WDR47: variants seen among roughly 807,000 people sequenced by gnomAD.
The protein encoded by WDR47 is WD repeat domain 47, also known as WD repeat-containing protein 47.
A neutral mutation model predicts 97.2 loss-of-function variants in WDR47; 32 were observed. That is an observed-to-expected ratio of 0.33 (90% CI 0.25 to 0.44). The LOEUF is 0.44. Among genes scored for constraint, WDR47 ranks in the 20% least tolerant of loss-of-function variants. The pLI is 1.00. For synonymous variants in WDR47, 375 were observed against 373.5 expected (o/e 1.00, Z -0.05); for missense variants, 782 against 1,102.3 (o/e 0.71, Z 4.11).
chr1:109,023,732 C>T (rs1320849083), intron 1 of WDR47, among the ~76,000 whole-genome samples: 3 of 151,914 alleles, frequency 2.0e-5, no homozygotes, highest in Non-Finnish European at 2.9e-5. Context: ...CTTTGAAATA[C>T]ATATTGGAAT....
chr1:108,977,577 C>T (rs994694750), intron 13 of WDR47, among the ~76,000 whole-genome samples: 2 of 152,136 alleles, frequency 1.3e-5, no homozygotes, highest in Non-Finnish European at 2.9e-5. Context: ...TAAGGCCAGG[C>T]GCGGTGGCTC....
In WDR47 at chr1:108,971,272, C is replaced by A. The variant is rs750280126; in HGVS notation, c.*158G>T. 1.7e-5 allele frequency: 17 copies of A among 992,160 alleles called. No individual in the cohort carries two copies. Among genetic ancestry groups the A allele is most frequent in the Non-Finnish European group, 2.3e-5 (16 of 689,352 alleles). 61.5% of individuals were successfully genotyped at this position (992,160 alleles called of 1,614,324 possible). The stretch of plus-strand genomic sequence containing the variant: ...AGACTGAAAGCACTGCGGAATAACA[C>A]CACCCAACACCTCCTATCAGTGGGA... On this transcript the variant is annotated 3_prime_UTR_variant, in exon 15 of 15. Transcript: ENST00000369962.
intron 9 of WDR47, 119 bp downstream of exon 9, chr1:108,991,135 C>G (rs1165704215): frequency 8.2e-6 from 7 of 857,954 alleles, no homozygotes; most frequent in Non-Finnish European, 1.3e-5. Flanking sequence ...GCCTCGGCCT[C>G]CTGGGTACTG....
chr1:109,029,708 TAA>T (rs1662479084), intron 1 of WDR47, among the ~76,000 whole-genome samples: 2 of 143,000 alleles, frequency 1.4e-5, no homozygotes, highest in African/African-American at 2.6e-5. Flanking sequence ...AATAAATAAA[TAA>T]ATATTTTTTT....
At chr1:109,023,862 A>G (rs1662021967) in intron 1 of WDR47, among the ~76,000 whole-genome samples, 1 of 152,206 alleles carries the variant, frequency 6.6e-6, no homozygotes, top group African/African-American at 2.4e-5. Context: ...TAATAGGTAA[A>G]TGAGGGTTTA....
rs561033708 is a variant in WDR47, at chr1:108,978,921, G to A, written c.2398+2812C>T. The stretch of plus-strand genomic sequence containing the variant: ...GACTGAGGGTAAGGAAATGGCTAAC[G>A]ATATATATAGGCAAGACTTTTGAGA... On this transcript the variant is annotated intron_variant, in intron 13 of 14. Transcript: ENST00000369962. 2.6e-5 allele frequency among the ~76,000 whole-genome samples: 4 copies of A among 152,248 alleles called. No homozygotes were observed. In the East Asian group the frequency reaches 5.8e-4, roughly 22 times the overall value.
intron 8 of WDR47, chr1:108,992,765 G>A (rs1324068243): frequency 8.1e-6 from 13 of 1,596,862 alleles, no homozygotes; most frequent in South Asian, 7.7e-5. Context: ...TAAACCAGAA[G>A]AGGAGGTTGC....
chr1:109,029,941 T>C, intron 1 of WDR47: 1 of 374,780 alleles, frequency 2.7e-6, no homozygotes, highest in Non-Finnish European at 4.7e-6. Context: ...CTCTGTGTAT[T>C]TCCATACAAA....
In WDR47 at chr1:108,974,600, G is replaced by C. The variant is rs550345176; in HGVS notation, c.2553C>G (p.Ser851=). The part of the protein sequence containing the change: ...HSSDVRSVRF[S]PGAHYLLTGS... ...CTGTTAGCAAGTAGTGAGCTCCAGG[G>C]GAGAATCGAACAGAGCGAACATCAC... The change falls in exon 14 of 15, where the codon TCC becomes TCG. Residue 851 remains serine, a synonymous_variant. Coordinates refer to ENST00000369962, the MANE Select transcript of WDR47 (RefSeq NM_001142551.2). 5.8e-5 allele frequency: 94 copies of C among 1,614,090 alleles called. 2 individuals are homozygous for C. The South Asian group carries it at 9.0e-4, about 15-fold the overall frequency.
At chr1:108,995,954 C>A in intron 7 of WDR47, 117 bp from the exon 8 acceptor site, 3 of 1,045,928 alleles carry the variant, frequency 2.9e-6, no homozygotes, top group Non-Finnish European at 4.1e-6. Context: ...TAATCTATGG[C>A]AAATTTAGTG....
At chr1:109,013,704 G>A in intron 4 of WDR47, 137 bp downstream of exon 4, 1 of 810,780 alleles carries the variant, frequency 1.2e-6, no homozygotes, top group Non-Finnish European at 1.9e-6. Flanking sequence ...ACTACACCTG[G>A]AAAACACCAG....
At chr1:108,983,247 G>A (rs772920565) in intron 11 of WDR47, 35 bp downstream of exon 11, 1 of 1,552,488 alleles carries the variant, frequency 6.4e-7, no homozygotes, top group Middle Eastern at 1.7e-4. Context: ...ATATACACTG[G>A]TAAGCTAGCT....
At position 108,982,792 on chromosome 1, in the gene WDR47, TAAGAATTAAAAAAAAAA is replaced by T. The variant is rs1658447851; in HGVS notation, c.2096-30_2096-14del. On this transcript the variant is annotated splice_polypyrimidine_tract_variant and intron_variant, in intron 11 of 14. Transcript: ENST00000369962. ...TCCAGATCTGGTCCTGAAACAGTAG[TAAGAATTAAAAAAAAAA>T]AATGCTGCTCAACTTACTGTGATAA... The T allele has an allele frequency of 6.3e-7, 1 of 1,584,188 alleles. No individual in the cohort carries two copies. The highest frequency in any genetic ancestry group is 8.5e-7 in the Non-Finnish European group (1 of 1,171,488).
chr1:108,998,074 A>T (rs1659898194), intron 7 of WDR47, among the ~76,000 whole-genome samples: 1 of 152,226 alleles, frequency 6.6e-6, no homozygotes, highest in Non-Finnish European at 1.5e-5. Context: ...ATTATAATTA[A>T]GTAGCATTTC....
In WDR47 at chr1:109,011,212, A is replaced by G; in HGVS notation, c.834T>C (p.Ala278=). ...HVDKLLKPTK[A]AYADLLTPLI... ...GAGGAGTCAAAAGATCAGCATATGC[A>G]GCTTTTGTAGGTTTCAGAAGTTTGT... The change falls in exon 5 of 15, where the codon GCT becomes GCC. Residue 278 remains alanine, a synonymous_variant. Coordinates refer to ENST00000369962, the MANE Select transcript of WDR47 (RefSeq NM_001142551.2). The G allele has an allele frequency of 6.2e-7, 1 of 1,614,180 alleles. No individual in the cohort carries two copies. The highest frequency in any genetic ancestry group is 8.5e-7 in the Non-Finnish European group (1 of 1,180,038).
chr1:109,030,208 C>A, intron 1 of WDR47: 1 of 1,545,784 alleles, frequency 6.5e-7, no homozygotes, highest in South Asian at 1.2e-5. Flanking sequence ...CGGTCTTTAG[C>A]CATGCACAAA....
intron 1 of WDR47, chr1:109,041,406 C>G (rs1280593898): frequency 6.6e-6 from 1 of 152,360 alleles, no homozygotes; most frequent in South Asian, 2.1e-4. Context: ...CCCTCTCTTC[C>G]TCCGGGCCAA....
chr1:108,983,452 C>G lies in WDR47; in HGVS notation c.1926-1G>C, dbSNP rs1415666074. 1.9e-6 allele frequency: 3 copies of G among 1,548,140 alleles called. No individual in the cohort carries two copies. Among genetic ancestry groups the G allele is most frequent in the Non-Finnish European group, 2.6e-6 (3 of 1,147,072 alleles). ...CGGCTGCTTAGGAGTCTCATGTGCA[C>G]TGAAAAGAAAAATTACAGAAATATA... On this transcript the variant is annotated splice_acceptor_variant, in intron 10 of 14. Transcript: ENST00000369962. LOFTEE classifies it high-confidence loss of function.
At position 109,009,083 on chromosome 1, in the gene WDR47, CA is replaced by C. The variant is rs922497630; in HGVS notation, c.1130+1832del. Among the ~76,000 whole-genome samples the C allele has an allele frequency of 6.6e-3, 963 of 146,478 alleles. 2 individuals carry two copies. The highest frequency in any genetic ancestry group is 0.022 in the African/African-American group (882 of 40,108). ...CTGGTGACAGAGCGGGACTCCATCT[CA>C]AAAAAAAAATAAAAATAAAATAAAA... On this transcript the variant is annotated intron_variant, in intron 5 of 14. Coordinates refer to ENST00000369962, the MANE Select transcript of WDR47 (RefSeq NM_001142551.2).
Sources: allele counts gnomAD v4.1 joint callset (sites outside exome capture counted in the v4.1 genomes callset), GRCh38; gene constraint gnomAD v4.1.1; transcripts MANE v1.5; gene names NCBI Gene and HGNC (gene_info 2026-07-23, HGNC 2026-07-21).